The following CCDC92 variants were observed in gnomAD, a reference collection of about 807,000 sequenced individuals.
CCDC92 encodes coiled-coil domain-containing protein 92.
In CCDC92, 12 loss-of-function variants were observed where a neutral mutation model predicts 24.9. The observed-to-expected ratio is 0.48, with a 90% CI of 0.31 to 0.78. CCDC92 has a LOEUF of 0.78. Ranked by LOEUF, CCDC92 falls within the 30% of genes least tolerant of loss-of-function variation. The pLI is 0.05. For missense variants in CCDC92, 399 were observed against 439.4 expected, an observed-to-expected ratio of 0.91 and a Z score of 0.82; for synonymous variants, 193 against 196.3, an observed-to-expected ratio of 0.98 and a Z score of 0.14.
In CCDC92 at chr12:123,936,580, G is replaced by A. The variant is rs2137819402; in HGVS notation, c.*478C>T. 5.7e-6 allele frequency: 1 copy of A among 175,064 alleles called. No homozygotes were observed. Among genetic ancestry groups the A allele is most frequent in the Admixed American group, 5.4e-5 (1 of 18,376 alleles). The allele number at this position is 175,064 out of a possible 1,614,324, so 10.8% of individuals were successfully genotyped here. A position where few individuals can be genotyped will look rare whatever the true frequency, so the allele number is the denominator to read the frequency against. On this transcript the variant is annotated 3_prime_UTR_variant, in exon 5 of 5. Coordinates refer to ENST00000238156, the MANE Select transcript of CCDC92 (RefSeq NM_025140.3). ...GATCGGTGCCGCCCTGGGAAAGGTT[G>A]GTCAGGAGGTGACAGGGGTCTCCAG... is the stretch of plus-strand genomic sequence containing the variant.
intron 1 of CCDC92, among the ~76,000 whole-genome samples, chr12:123,963,184 G>T (rs1956314914): frequency 6.6e-6 from 1 of 152,236 alleles, no homozygotes; most frequent in Non-Finnish European, 1.5e-5. Context: ...GGTCAAGAGA[G>T]TTTTGGCTGA....
intron 1 of CCDC92, chr12:123,944,891 A>C (rs1955798489): frequency 6.6e-6 from 1 of 152,072 alleles, no homozygotes; most frequent in South Asian, 2.1e-4. Flanking sequence ...GCCCCAGGAC[A>C]CGGCAAGTAC....
At position 123,936,891 on chromosome 12, in the gene CCDC92, A is replaced by C; in HGVS notation, c.*167T>G. The C allele has an allele frequency of 1.4e-6, 1 of 711,380 alleles. No homozygotes were observed. The highest frequency in any genetic ancestry group is 2.3e-6 in the Non-Finnish European group (1 of 433,862). 44.1% of individuals were successfully genotyped at this position (711,380 alleles called of 1,614,324 possible). A position where few individuals can be genotyped will look rare whatever the true frequency, so the allele number is the denominator to read the frequency against. ...GAAATACATATTCTGCGGCAGGGAC[A>C]CGATCATATTTTGGTGTGAAGAAGA... On this transcript the variant is annotated 3_prime_UTR_variant, in exon 5 of 5. Coordinates refer to ENST00000238156, the MANE Select transcript of CCDC92 (RefSeq NM_025140.3).
intron 1 of CCDC92, among the ~76,000 whole-genome samples, chr12:123,948,728 G>C (rs749629929): frequency 6.6e-6 from 1 of 152,216 alleles, no homozygotes; most frequent in Admixed American, 6.5e-5. Flanking sequence ...AATAAGGCAG[G>C]TCCACTTGGG....
rs183606272 is a variant in CCDC92, at chr12:123,941,132, C to T, written c.223+1612G>A. ...GCCTGGGCCAGGAGAGGACAGGGAG[C>T]GAGGACGCCCTGGCTTCCATGACAC... On this transcript the variant is annotated intron_variant, in intron 4 of 4. Coordinates refer to ENST00000238156, the MANE Select transcript of CCDC92 (RefSeq NM_025140.3). Among the ~76,000 whole-genome samples, 51 of 152,342 alleles carry T rather than the reference C, an allele frequency of 3.3e-4. No individual in the cohort carries two copies. The East Asian group carries it at 8.5e-3, about 25-fold the overall frequency.
At position 123,937,190 on chromosome 12, in the gene CCDC92, G is replaced by T. The variant is rs750311604; in HGVS notation, c.864C>A (p.His288Gln). The T allele has an allele frequency of 1.2e-6, 2 of 1,609,782 alleles. No individual in the cohort carries two copies. Among genetic ancestry groups the T allele is most frequent in the African/African-American group, 1.3e-5 (1 of 75,018 alleles). Reference sequence around the variant, plus strand: ...GGTGGATCCGATGTGCCACCCCGACGTGGGCCTTGTGCGGCTTTTCGCGGG... The same window carrying T: ...GGTGGATCCGATGTGCCACCCCGACTTGGGCCTTGTGCGGCTTTTCGCGGG... ...SPAREKPHKA[H>Q]VGVAHRIHHA... is the part of the protein sequence containing the mutation. The change falls in exon 5 of 5, where the codon CAC becomes CAA. Residue 288 changes from histidine (H) to glutamine (Q), a missense_variant. Physicochemically the swap from His to Gln is conservative, Grantham distance 24 (BLOSUM62 0). Coordinates refer to ENST00000238156, the MANE Select transcript of CCDC92 (RefSeq NM_025140.3). The surrounding 1 kb of genome is among the most constrained non-coding windows in gnomAD (Gnocchi z 8.4).
chr12:123,968,554 C>T (rs759823528), intron 1 of CCDC92: 6 of 152,074 alleles, frequency 3.9e-5, no homozygotes, highest in South Asian at 2.1e-4. Context: ...ACTTGATATT[C>T]GTCTCTTTTC....
intron 1 of CCDC92, 132 bp downstream of exon 1, chr12:123,972,397 G>A (rs981222577): frequency 3.9e-5 from 6 of 152,198 alleles, no homozygotes; most frequent in African/African-American, 7.2e-5. Flanking sequence ...TCCCGGCGGG[G>A]AGGGTTTTTA....
Position 123,943,391 on chromosome 12 carries a change from T to C in CCDC92, c.137A>G (p.Lys46Arg). 1 of 1,614,036 alleles carries C rather than the reference T, an allele frequency of 6.2e-7. No individual in the cohort carries two copies. Among genetic ancestry groups the C allele is most frequent in the Non-Finnish European group, 8.5e-7 (1 of 1,180,018 alleles). ...CCGCCTGATCTCGGAGTGCAGCCCC[T>C]TGAGCGTGCTGGCATGCTCCCGCTG... Reference protein sequence around the residue: ...FLQREHASTLKGLHSEIRRLQ... With the variant: ...FLQREHASTLRGLHSEIRRLQ... Residue 46 changes from lysine to arginine, a missense_variant, in exon 3 of 5, where the codon AAG becomes AGG. By Grantham distance (26) the Lys-to-Arg change is conservative. Transcript: ENST00000238156.
At chr12:123,948,675 C>T (rs908055785) in intron 1 of CCDC92, among the ~76,000 whole-genome samples, 2 of 152,220 alleles carry the variant, frequency 1.3e-5, no homozygotes, top group African/African-American at 4.8e-5. Flanking sequence ...GACATGGAGA[C>T]GCCATCTGTG....
At chr12:123,943,711 T>G (rs1261234152) in intron 2 of CCDC92, 2 of 600,974 alleles carry the variant, frequency 3.3e-6, no homozygotes, top group African/African-American at 3.7e-5. Context: ...CCGAACGCCT[T>G]GGGGTGTGCC....
chr12:123,949,618 T>C (rs1955972483), intron 1 of CCDC92, among the ~76,000 whole-genome samples: 1 of 152,236 alleles, frequency 6.6e-6, no homozygotes, highest in Non-Finnish European at 1.5e-5. Context: ...TAGGTTACCT[T>C]GATCAGGGCT....
In CCDC92 at chr12:123,937,122, G is replaced by T. The variant is rs368325953; in HGVS notation, c.932C>A (p.Ala311Glu). Residue 311 changes from alanine (A) to glutamate (E), a missense_variant, in exon 5 of 5, where the codon GCG (alanine) becomes GAG (glutamate). Physicochemically the swap from Ala to Glu is moderately radical, Grantham distance 107. Transcript: ENST00000238156. The surrounding 1 kb of genome is among the most constrained non-coding windows in gnomAD (Gnocchi z 8.4). ...PQAQPEVKTLAVDQVNGGKVV... is the reference protein window; with the variant it reads ...PQAQPEVKTLEVDQVNGGKVV... ...CTTGCCTCCGTTCACCTGGTCGACCGCCAGGGTCTTCACCTCGGGCTGGGC... is the reference window on the plus strand; with the variant it reads ...CTTGCCTCCGTTCACCTGGTCGACCTCCAGGGTCTTCACCTCGGGCTGGGC... 1 of 1,613,472 alleles carries T rather than the reference G, an allele frequency of 6.2e-7. No homozygotes were observed. The highest frequency in any genetic ancestry group is 2.2e-5 in the East Asian group (1 of 44,866).
chr12:123,966,042 T>C (rs1019060775), intron 1 of CCDC92: 5 of 152,230 alleles, frequency 3.3e-5, no homozygotes, highest in Admixed American at 6.5e-5. Flanking sequence ...GTATAGAAGA[T>C]GCATGCAAAG....
At chr12:123,950,985 G>A (rs1956010941) in intron 1 of CCDC92, among the ~76,000 whole-genome samples, 1 of 152,148 alleles carries the variant, frequency 6.6e-6, no homozygotes, top group South Asian at 2.1e-4. Context: ...CGGGGCTGGT[G>A]TGCTTGTCAA....
intron 1 of CCDC92, among the ~76,000 whole-genome samples, chr12:123,953,756 C>T (rs1254160469): frequency 6.6e-6 from 1 of 151,766 alleles, no homozygotes; most frequent in Non-Finnish European, 1.5e-5. Flanking sequence ...CCGGCCTGGG[C>T]GACAGAGCAA....
intron 1 of CCDC92, chr12:123,960,662 T>C (rs1304945448): frequency 2.0e-5 from 3 of 152,250 alleles, no homozygotes; most frequent in Admixed American, 1.3e-4. Flanking sequence ...GTCATGAGCT[T>C]GGATGACGCT....
chr12:123,942,833 ATCT>A (rs764455794), intron 3 of CCDC92, 48 bp from the exon 4 acceptor site: 2 of 1,469,524 alleles, frequency 1.4e-6, no homozygotes, highest in South Asian at 1.1e-5. Context: ...ACATTTCAAA[ATCT>A]TCATCAGCTT....
chr12:123,938,621 G>A (rs1246160744), intron 4 of CCDC92, among the ~76,000 whole-genome samples: 3 of 152,088 alleles, frequency 2.0e-5, no homozygotes, highest in Non-Finnish European at 4.4e-5. Context: ...TCCTCCTAAC[G>A]CTGGCTGGCT....
Sources: allele counts gnomAD v4.1 joint callset (sites outside exome capture counted in the v4.1 genomes callset), GRCh38; gene constraint gnomAD v4.1.1; non-coding constraint Gnocchi (gnomAD v3.1); transcripts MANE v1.5; gene names NCBI Gene and HGNC (gene_info 2026-07-23, HGNC 2026-07-21).